The following PRKAG2 variants were observed in gnomAD, a reference collection of about 807,000 sequenced individuals.
PRKAG2 encodes the protein 5'-AMP-activated protein kinase subunit gamma-2.
Under a neutral mutation model 69.6 loss-of-function variants are expected in PRKAG2, and 26 were observed. The observed-to-expected ratio is 0.37, with a 90% CI of 0.27 to 0.52. The LOEUF (loss-of-function observed/expected upper bound fraction) is 0.52. Ranked by LOEUF, PRKAG2 falls within the 20% of genes least tolerant of loss-of-function variation. The probability of loss-of-function intolerance (pLI) is 0.90; values close to 1 mark genes in which losing one functional copy is unlikely to be tolerated. For missense variants in PRKAG2, 557 were observed against 740.0 expected (o/e 0.75, Z 2.87); for synonymous variants, 293 against 285.0 (o/e 1.03, Z -0.28).
At chr7:151,650,752 AG>A (rs555342460) in intron 4 of PRKAG2, among the ~76,000 whole-genome samples, 1 of 152,182 alleles carries the variant, frequency 6.6e-6, no homozygotes, top group Admixed American at 6.5e-5. Flanking sequence ...CTCCTACTCC[AG>A]GGGAGAAGGC....
chr7:151,843,803 ACT>A (rs1264395750), intron 1 of PRKAG2, among the ~76,000 whole-genome samples: 1 of 152,154 alleles, frequency 6.6e-6, no homozygotes, highest in Non-Finnish European at 1.5e-5. Flanking sequence ...CAAAACCTAC[ACT>A]CTGTTTGGTT....
At chr7:151,678,940 G>A (rs552341034) in intron 3 of PRKAG2, among the ~76,000 whole-genome samples, 1 of 152,176 alleles carries the variant, frequency 6.6e-6, no homozygotes, top group East Asian at 1.9e-4. Flanking sequence ...TTCCAGCCTG[G>A]GTGACAGAGT....
At chr7:151,692,647 A>G (rs2151534040) in intron 3 of PRKAG2, among the ~76,000 whole-genome samples, 1 of 152,074 alleles carries the variant, frequency 6.6e-6, no homozygotes, top group Non-Finnish European at 1.5e-5. Flanking sequence ...CCCTAACATG[A>G]GTTCGGGGGG....
chr7:151,786,406 G>A (rs966444362), intron 2 of PRKAG2, 64 bp downstream of exon 2: 13 of 1,475,286 alleles, frequency 8.8e-6, no homozygotes, highest in Non-Finnish European at 1.2e-5. Context: ...AGTGGGCTCA[G>A]GCTCTGCCTG....
chr7:151,703,909 C>CACACACAA (rs1838172602), intron 3 of PRKAG2, among the ~76,000 whole-genome samples: 2 of 131,586 alleles, frequency 1.5e-5, no homozygotes, highest in African/African-American at 6.3e-5. Context: ...CACACACACA[C>CACACACAA]AAATTAGCTA....
At chr7:151,845,358 C>T (rs1586710607) in intron 1 of PRKAG2, among the ~76,000 whole-genome samples, 1 of 152,134 alleles carries the variant, frequency 6.6e-6, no homozygotes, top group East Asian at 1.9e-4. Flanking sequence ...GCCCAGTGGT[C>T]CTCAGAGCGT....
At chr7:151,748,589 A>G (rs545389778) in intron 3 of PRKAG2, among the ~76,000 whole-genome samples, 14 of 152,296 alleles carry the variant, frequency 9.2e-5, no homozygotes, top group African/African-American at 2.9e-4. Context: ...CTGCTTTTCA[A>G]TATAAATTGT....
At chr7:151,754,432 C>T (rs533130533) in intron 3 of PRKAG2, among the ~76,000 whole-genome samples, 7 of 152,350 alleles carry the variant, frequency 4.6e-5, no homozygotes, top group African/African-American at 9.6e-5. Flanking sequence ...AGTATTCAGA[C>T]CTCATCAGCT....
intron 3 of PRKAG2, among the ~76,000 whole-genome samples, chr7:151,772,216 G>C (rs2076054373): frequency 6.6e-6 from 1 of 152,290 alleles, no homozygotes; most frequent in Non-Finnish European, 1.5e-5. Flanking sequence ...GAGGTGTCTG[G>C]AGAGGCTGCC....
chr7:151,634,718 T>G (rs1415310688), intron 4 of PRKAG2, among the ~76,000 whole-genome samples: 1 of 152,176 alleles, frequency 6.6e-6, no homozygotes, highest in Non-Finnish European at 1.5e-5. Flanking sequence ...ACAGAGCTGT[T>G]TCACCAAGAA....
chr7:151,762,120 C>T lies in PRKAG2; in HGVS notation c.466+19032G>A, dbSNP rs186221645. Among the ~76,000 whole-genome samples, 617 of 152,302 alleles carry T rather than the reference C, an allele frequency of 4.1e-3. 15 individuals carry two copies. The highest frequency in any genetic ancestry group is 0.036 in the Admixed American group (551 of 15,300). On this transcript the variant is annotated intron_variant, in intron 3 of 15. Transcript: ENST00000287878. Reference sequence around the variant, plus strand: ...TCCGATGGGTTAGCACAGTCTGCTGCGCACCTCAGCGAGGAACAAACTGTG... The same window carrying T: ...TCCGATGGGTTAGCACAGTCTGCTGTGCACCTCAGCGAGGAACAAACTGTG...
chr7:151,612,740 G>C (rs1819162990), intron 5 of PRKAG2, among the ~76,000 whole-genome samples: 1 of 152,226 alleles, frequency 6.6e-6, no homozygotes, highest in African/African-American at 2.4e-5. Context: ...GACCGTCTAT[G>C]GGACCATTCC....
chr7:151,630,964 T>C (rs1030627081), intron 5 of PRKAG2, among the ~76,000 whole-genome samples: 4 of 152,212 alleles, frequency 2.6e-5, no homozygotes, highest in South Asian at 2.1e-4. Flanking sequence ...CCAGCTAACA[T>C]GTTTGTGAAA....
Position 151,557,082 on chromosome 7 carries a change from T to C in PRKAG2, c.*119A>G, listed in dbSNP as rs1326906713. On this transcript the variant is annotated 3_prime_UTR_variant, in exon 16 of 16. Coordinates refer to ENST00000287878, the MANE Select transcript of PRKAG2 (RefSeq NM_016203.4). ...TTAATTTCAACATCACTGGAAGAAA[T>C]ACCTATTGTTAAACCCTGATATACA... The C allele has an allele frequency of 1.3e-6, 2 of 1,484,980 alleles. No homozygotes were observed. The highest frequency in any genetic ancestry group is 2.3e-5 in the East Asian group (1 of 44,018). The allele number at this position is 1,484,980 out of a possible 1,614,324, so 92.0% of individuals were successfully genotyped here. A position where few individuals can be genotyped will look rare whatever the true frequency, so the allele number is the denominator to read the frequency against.
chr7:151,863,245 G>A (rs1399284507), intron 1 of PRKAG2, among the ~76,000 whole-genome samples: 2 of 151,742 alleles, frequency 1.3e-5, no homozygotes, highest in South Asian at 4.2e-4. Flanking sequence ...GGTACAGGGG[G>A]CACTGGTAAG....
intron 5 of PRKAG2, among the ~76,000 whole-genome samples, chr7:151,615,718 G>GA (rs1473112433): frequency 7.2e-5 from 11 of 151,956 alleles, no homozygotes; most frequent in South Asian, 2.1e-4. Context: ...AAATTGACAA[G>GA]AAAAAATCAA....
chr7:151,822,350 G>T (rs2078805799), intron 1 of PRKAG2, among the ~76,000 whole-genome samples: 1 of 151,980 alleles, frequency 6.6e-6, no homozygotes, highest in Non-Finnish European at 1.5e-5. Flanking sequence ...AGGGCGGGGG[G>T]TGACTTTACT....
At chr7:151,616,184 G>A (rs1213774103) in intron 5 of PRKAG2, among the ~76,000 whole-genome samples, 1 of 152,210 alleles carries the variant, frequency 6.6e-6, no homozygotes, top group East Asian at 1.9e-4. Context: ...TTCTCCTCAG[G>A]GTGGGCTTTT....
Position 151,814,911 on chromosome 7 carries a change from C to A in PRKAG2, c.115-28370G>T, listed in dbSNP as rs945294581. The A allele has an allele frequency of 7.3e-6, 9 of 1,224,950 alleles. No individual in the cohort carries two copies. In the African/African-American group the frequency reaches 1.4e-4, roughly 19 times the overall value. 75.9% of individuals were successfully genotyped at this position (1,224,950 alleles called of 1,614,324 possible). A position where few individuals can be genotyped will look rare whatever the true frequency, so the allele number is the denominator to read the frequency against. ...AAGCCAGCAGGAGGGAGGGCTGGAC[C>A]GGAGCTTTTAAAAAGACAGGCAGCA... On this transcript the variant is annotated intron_variant, in intron 1 of 15. Coordinates refer to ENST00000287878, the MANE Select transcript of PRKAG2 (RefSeq NM_016203.4). The surrounding 1 kb of genome is among the most constrained non-coding windows in gnomAD (Gnocchi z 4.8).
Sources: allele counts gnomAD v4.1 joint callset (sites outside exome capture counted in the v4.1 genomes callset), GRCh38; gene constraint gnomAD v4.1.1; non-coding constraint Gnocchi (gnomAD v3.1); transcripts MANE v1.5; gene names NCBI Gene and HGNC (gene_info 2026-07-23, HGNC 2026-07-21).